RP2: variants seen among roughly 807,000 people sequenced by gnomAD.
The protein encoded by RP2 is RP2 activator of ARL3 GTPase, also known as protein XRP2.
A neutral mutation model predicts 20.3 loss-of-function variants in RP2; 3 were observed. The observed-to-expected ratio is 0.15, with a 90% CI of 0.07 to 0.38. The LOEUF is 0.38. Ranked by LOEUF, RP2 falls within the 10% of genes least tolerant of loss-of-function variation. The probability of loss-of-function intolerance (pLI) is 1.00; values close to 1 mark genes in which losing one functional copy is unlikely to be tolerated. For synonymous variants in RP2, 75 were observed against 94.8 expected (o/e 0.79, Z 1.22); for missense variants, 233 against 268.5 (o/e 0.87, Z 0.92).
At chrX:46,847,802 A>ATACACACATATGTGTGTG (rs1569531413) in intron 1 of RP2, among the ~76,000 whole-genome samples, 1 of 80,117 alleles carries the variant, frequency 1.2e-5, no homozygotes, top group South Asian at 5.5e-4. Context: ...GTGTGTGTAT[A>ATACACACATATGTGTGTG]TATATACACA....
intron 1 of RP2, among the ~76,000 whole-genome samples, chrX:46,847,802 A>ATACACACATGTGTGTGTG (rs1569531413): frequency 8.7e-5 from 7 of 80,119 alleles, no homozygotes; most frequent in African/African-American, 3.7e-4. Flanking sequence ...GTGTGTGTAT[A>ATACACACATGTGTGTGTG]TATATACACA....
At chrX:46,847,704 A>ATATACACACATATGTGTGTGTG (rs1569531333) in intron 1 of RP2, among the ~76,000 whole-genome samples, 3 of 82,595 alleles carry the variant, frequency 3.6e-5, no homozygotes, top group African/African-American at 1.6e-4. Flanking sequence ...GTGTGTGTGT[A>ATATACACACATATGTGTGTGTG]TATATACACA....
intron 3 of RP2, among the ~76,000 whole-genome samples, chrX:46,876,662 C>G (rs1253052313): frequency 9.0e-6 from 1 of 111,151 alleles, no homozygotes; most frequent in Non-Finnish European, 1.9e-5. Flanking sequence ...ATCTTGATGC[C>G]CAATGTAGTG....
chrX:46,848,935 G>A (rs1390689585), intron 1 of RP2, among the ~76,000 whole-genome samples: 1 of 107,875 alleles, frequency 9.3e-6, no homozygotes, highest in Non-Finnish European at 1.9e-5. Context: ...AGACTGAGGC[G>A]GGGAGGATTG....
chrX:46,853,659 G>A lies in RP2; in HGVS notation c.286G>A (p.Val96Met), dbSNP rs782229330. Residue 96 changes from valine (V) to methionine (M), a missense_variant, in exon 2 of 5, where the codon GTG (valine) becomes ATG (methionine). Physicochemically the swap from Val to Met is conservative, Grantham distance 21 (BLOSUM62 1). Transcript: ENST00000218340. The stretch of plus-strand genomic sequence containing the variant: ...TAACTGCATAATTTTTCTGGGACCC[G>A]TGAAAGGCAGCGTGTTTTTCCGGAA... ...CTNCIIFLGPVKGSVFFRNCR... is the reference protein window; with the variant it reads ...CTNCIIFLGPMKGSVFFRNCR... 1.1e-5 allele frequency: 13 copies of A among 1,209,934 alleles called. No homozygotes were observed. Among genetic ancestry groups the A allele is most frequent in the Middle Eastern group, 2.3e-4 (1 of 4,376 alleles).
intron 1 of RP2, among the ~76,000 whole-genome samples, chrX:46,852,230 GAGGGAAGGAAGGGAAGGAAGAGAGGA>G (rs1480821862): frequency 9.1e-6 from 1 of 109,916 alleles, no homozygotes; most frequent in Non-Finnish European, 1.9e-5. Flanking sequence ...AGAAAGGAGG[GAGGGAAGGAAGGGAAGGAAGAGAGGA>G]AGGGAGGGAG....
In RP2 at chrX:46,853,985, C is replaced by T. The variant is rs781941648; in HGVS notation, c.612C>T (p.Thr204=). The change falls in exon 2 of 5, where the codon ACC becomes ACT. Residue 204 remains threonine (T), a synonymous_variant. Transcript: ENST00000218340. ...VVQDYVPIPT[T]EELKAVRVST... is the part of the protein sequence containing the mutation. ...AGGACTATGTTCCTATACCTACTAC[C>T]GAAGAGCTCAAAGCTGTTCGTGTTT... 1.9e-5 allele frequency: 23 copies of T among 1,211,656 alleles called. No homozygotes were observed. The East Asian group carries it at 4.1e-4, about 22-fold the overall frequency.
chrX:46,862,408 C>G (rs1925083482), intron 3 of RP2, among the ~76,000 whole-genome samples: 2 of 107,788 alleles, frequency 1.9e-5, no homozygotes, highest in East Asian at 5.9e-4. Flanking sequence ...CGCCTGTAAT[C>G]CCAACACTTT....
chrX:46,858,487 TAA>T (rs1925007406), intron 2 of RP2, among the ~76,000 whole-genome samples: 1 of 110,907 alleles, frequency 9.0e-6, no homozygotes, highest in African/African-American at 3.3e-5. Flanking sequence ...TTTTTTTTTT[TAA>T]AGACAAGGTT....
At chrX:46,845,265 T>C (rs1924698024) in intron 1 of RP2, among the ~76,000 whole-genome samples, 1 of 112,037 alleles carries the variant, frequency 8.9e-6, no homozygotes, top group Admixed American at 9.5e-5. Context: ...CTATTTGTCC[T>C]GTTCATTTTC....
Position 46,877,483 on chromosome X carries a change from T to C in RP2, c.884-22T>C, listed in dbSNP as rs373095083. The C allele has an allele frequency of 1.3e-5, 14 of 1,077,231 alleles. No homozygotes were observed. The African/African-American group carries it at 1.8e-4, about 14-fold the overall frequency. 88.8% of individuals were successfully genotyped at this position (1,077,231 alleles called of 1,213,427 possible). On this transcript the variant is annotated intron_variant, in intron 3 of 4. Coordinates refer to ENST00000218340, the MANE Select transcript of RP2 (RefSeq NM_006915.3). The stretch of plus-strand genomic sequence containing the variant: ...TATATTTGTATTTGTGTTAAGAAAA[T>C]GTTTCTTGGGTTTGCTTATAGGTCC...
chrX:46,868,701 G>A (rs889210823), intron 3 of RP2, among the ~76,000 whole-genome samples: 4 of 106,593 alleles, frequency 3.8e-5, no homozygotes, highest in African/African-American at 6.9e-5. Context: ...CAGGAGAATC[G>A]CTTGAGCCCG....
chrX:46,867,463 T>C (rs1925194929), intron 3 of RP2, among the ~76,000 whole-genome samples: 1 of 112,971 alleles, frequency 8.9e-6, no homozygotes, highest in African/African-American at 3.2e-5. Flanking sequence ...TGTTTTTCCA[T>C]TCAATTGTTG....
chrX:46,878,332 C>G (rs868918382), intron 4 of RP2, among the ~76,000 whole-genome samples: 1 of 105,135 alleles, frequency 9.5e-6, no homozygotes, highest in Non-Finnish European at 2.0e-5. Context: ...AGCCGAGATC[C>G]CGCCACTGCA....
intron 1 of RP2, among the ~76,000 whole-genome samples, chrX:46,847,788 A>ATGTGTGTGTGTATATACACACATATG (rs1569531403): frequency 3.4e-5 from 2 of 58,692 alleles, no homozygotes; most frequent in African/African-American, 2.5e-4. Context: ...ACATACACAC[A>ATGTGTGTGTGTATATACACACATATG]TGTGTGTGTG....
At chrX:46,872,640 A>C in intron 3 of RP2, among the ~76,000 whole-genome samples, 1 of 112,152 alleles carries the variant, frequency 8.9e-6, no homozygotes, top group South Asian at 3.7e-4. Flanking sequence ...TCTCTGTGTC[A>C]TTATTGTCAT....
intron 3 of RP2, among the ~76,000 whole-genome samples, chrX:46,869,631 CAG>C (rs1408659317): frequency 4.3e-5 from 3 of 69,940 alleles, no homozygotes; most frequent in Non-Finnish European, 7.9e-5. Flanking sequence ...TTTTTTGAGG[CAG>C]AGTTTTGCTC....
intron 3 of RP2, among the ~76,000 whole-genome samples, chrX:46,863,101 C>T (rs935143660): frequency 1.8e-5 from 2 of 111,747 alleles, no homozygotes; most frequent in Non-Finnish European, 3.8e-5. Context: ...ATGAGTGAAC[C>T]TTGATTGGAT....
At chrX:46,837,246 C>G (rs1556313604) in intron 1 of RP2, 44 bp downstream of exon 1, 2 of 1,117,293 alleles carry the variant, frequency 1.8e-6, no homozygotes, top group Non-Finnish European at 2.4e-6. Flanking sequence ...CCCTGAGCCG[C>G]TCCGCCAGGT....
Sources: allele counts gnomAD v4.1 joint callset (sites outside exome capture counted in the v4.1 genomes callset), GRCh38; gene constraint gnomAD v4.1.1; transcripts MANE v1.5; gene names NCBI Gene and HGNC (gene_info 2026-07-23, HGNC 2026-07-21).